C1QTNF2: variants seen among roughly 807,000 people sequenced by gnomAD.
The protein encoded by C1QTNF2 is complement C1q tumor necrosis factor-related protein 2.
A neutral mutation model predicts 17.4 loss-of-function variants in C1QTNF2; 15 were observed. That is an observed-to-expected ratio of 0.86 (90% confidence interval 0.58 to 1.33). C1QTNF2 has a LOEUF of 1.33. Ranked by LOEUF, C1QTNF2 falls within the 40% of genes most tolerant of loss-of-function variation. The pLI, the probability that C1QTNF2 is intolerant of heterozygous loss-of-function variation, is 0.00. For missense variants in C1QTNF2, 381 were observed against 392.3 expected (o/e 0.97, Z 0.24); for synonymous variants, 154 against 163.3 (o/e 0.94, Z 0.44).
intron 1 of C1QTNF2, among the ~76,000 whole-genome samples, chr5:160,365,696 C>G (rs1057418808): frequency 3.3e-5 from 5 of 152,338 alleles, no homozygotes; most frequent in South Asian, 2.1e-4. Flanking sequence ...TTTAATCTCT[C>G]TAGGCCTCAG....
chr5:160,352,438 G>A (rs1289049024), intron 2 of C1QTNF2, among the ~76,000 whole-genome samples: 1 of 152,168 alleles, frequency 6.6e-6, no homozygotes, highest in African/African-American at 2.4e-5. Flanking sequence ...GACAAGCTTT[G>A]TTTGAGTTAC....
At chr5:160,354,071 TG>T (rs1359023725) in intron 2 of C1QTNF2, among the ~76,000 whole-genome samples, 1 of 152,090 alleles carries the variant, frequency 6.6e-6, no homozygotes, top group Non-Finnish European at 1.5e-5. Context: ...TCCCAAGTGC[TG>T]AGATTACAGG....
At chr5:160,351,510 G>A (rs959986603) in intron 2 of C1QTNF2, among the ~76,000 whole-genome samples, 37 of 152,196 alleles carry the variant, frequency 2.4e-4, no homozygotes, top group Admixed American at 1.4e-3. Flanking sequence ...TACATAATTC[G>A]GAAATAGGTT....
intron 2 of C1QTNF2, among the ~76,000 whole-genome samples, chr5:160,350,469 T>C (rs1255231024): frequency 1.3e-5 from 2 of 152,146 alleles, no homozygotes; most frequent in Non-Finnish European, 2.9e-5. Flanking sequence ...TTTGGGAAGC[T>C]GGGACTGGAG....
intron 1 of C1QTNF2, among the ~76,000 whole-genome samples, chr5:160,364,413 G>A (rs1764211217): frequency 1.3e-5 from 2 of 152,326 alleles, no homozygotes; most frequent in Admixed American, 1.3e-4. Flanking sequence ...AGGATTTAAT[G>A]TTTCTAGAAT....
intron 2 of C1QTNF2, among the ~76,000 whole-genome samples, chr5:160,353,479 C>T (rs887358456): frequency 1.4e-4 from 21 of 152,124 alleles, no homozygotes; most frequent in African/African-American, 5.1e-4. Flanking sequence ...CAATGACTGA[C>T]TGCCCCCACC....
Position 160,354,710 on chromosome 5 carries a change from C to A in C1QTNF2, c.244+58G>T, listed in dbSNP as rs574331704. 41 of 1,604,366 alleles carry A rather than the reference C, an allele frequency of 2.6e-5. 1 individual carries two copies. In the East Asian group the frequency reaches 7.4e-4, roughly 29 times the overall value. ...GTTTTATTAACTTCATGATGCCCCC[C>A]ACATGCCGGATGCTGTCAGCCAGGT... On this transcript the variant is annotated intron_variant, in intron 2 of 2. Transcript: ENST00000652664.
chr5:160,356,522 G>GT (rs1764054887), intron 1 of C1QTNF2, among the ~76,000 whole-genome samples: 1 of 152,204 alleles, frequency 6.6e-6, no homozygotes, highest in African/African-American at 2.4e-5. Flanking sequence ...CAGAGACCTT[G>GT]TTTTGGGAAC....
At position 160,348,929 on chromosome 5, in the gene C1QTNF2, C is replaced by T. The variant is rs1165636544; in HGVS notation, c.*239G>A. 1.2e-5 allele frequency: 6 copies of T among 487,770 alleles called. No homozygotes were observed. Among genetic ancestry groups the T allele is most frequent in the South Asian group, 3.9e-5 (1 of 25,466 alleles). The allele number at this position is 487,770 out of a possible 1,614,324, so 30.2% of individuals were successfully genotyped here. ...CTGTCTTGTCCACTGCTGCATCTTT[C>T]AGAGAATAGCATAGTGCCTGTTACA... On this transcript the variant is annotated 3_prime_UTR_variant, in exon 3 of 3. Transcript: ENST00000652664.
chr5:160,352,500 T>C (rs2113505798), intron 2 of C1QTNF2, among the ~76,000 whole-genome samples: 1 of 152,306 alleles, frequency 6.6e-6, no homozygotes, highest in South Asian at 2.1e-4. Flanking sequence ...GGCTTCCTTC[T>C]CTGCAGAGAC....
Position 160,354,814 on chromosome 5 carries a change from G to C in C1QTNF2, c.198C>G (p.Asp66Glu), listed in dbSNP as rs142851168. The C allele has an allele frequency of 3.7e-6, 6 of 1,613,590 alleles. No individual in the cohort carries two copies. In the South Asian group the frequency reaches 6.6e-5, roughly 18 times the overall value. ...GGTCGCCGTCGTGTCCATCTTGGCC[G>C]TCTTTGCCAGGAAAGCCCATTCGTC... ...MMGRMGFPGK[D>E]GQDGHDGDRG... is the part of the protein sequence containing the mutation. Residue 66 changes from aspartate (D) to glutamate (E), a missense_variant, in exon 2 of 3, where the codon GAC becomes GAG. By Grantham distance (45) the Asp-to-Glu change is conservative. Transcript: ENST00000652664.
chr5:160,368,531 C>CA (rs1491589028), intron 1 of C1QTNF2, among the ~76,000 whole-genome samples: 4,898 of 57,420 alleles, frequency 0.085, 316 homozygotes, highest in African/African-American at 0.24. Flanking sequence ...GACTCCTTCT[C>CA]AAAAAAAAAG....
At chr5:160,352,708 G>T (rs1164424975) in intron 2 of C1QTNF2, among the ~76,000 whole-genome samples, 2 of 152,206 alleles carry the variant, frequency 1.3e-5, no homozygotes, top group African/African-American at 2.4e-5. Flanking sequence ...CAGGAAATTG[G>T]ATATCATGAT....
chr5:160,351,503 A>G (rs1225598550), intron 2 of C1QTNF2, among the ~76,000 whole-genome samples: 3 of 152,254 alleles, frequency 2.0e-5, no homozygotes, highest in African/African-American at 7.2e-5. Flanking sequence ...CCTATTTTAC[A>G]TAATTCGGAA....
intron 1 of C1QTNF2, among the ~76,000 whole-genome samples, chr5:160,357,454 A>G (rs143374217): frequency 1.3e-5 from 2 of 152,214 alleles, no homozygotes; most frequent in African/African-American, 2.4e-5. Context: ...GAAATGTTAC[A>G]TGAATGACAG....
intron 1 of C1QTNF2, among the ~76,000 whole-genome samples, chr5:160,367,640 G>A (rs1561829316): frequency 6.6e-6 from 1 of 152,134 alleles, no homozygotes; most frequent in East Asian, 1.9e-4. Context: ...CCTTGATGAT[G>A]GGCTTCCAGC....
chr5:160,352,522 C>A (rs1225921860), intron 2 of C1QTNF2, among the ~76,000 whole-genome samples: 1 of 152,168 alleles, frequency 6.6e-6, no homozygotes, highest in Non-Finnish European at 1.5e-5. Flanking sequence ...CAACACACAG[C>A]AGAACAGATG....
intron 1 of C1QTNF2, among the ~76,000 whole-genome samples, chr5:160,363,593 G>A (rs1764193567): frequency 6.6e-6 from 1 of 152,204 alleles, no homozygotes; most frequent in African/African-American, 2.4e-5. Flanking sequence ...TGTTAAAGCT[G>A]AAGAATTATA....
chr5:160,362,480 C>T (rs906746230), intron 1 of C1QTNF2, among the ~76,000 whole-genome samples: 2 of 152,228 alleles, frequency 1.3e-5, no homozygotes, highest in Non-Finnish European at 2.9e-5. Context: ...ATGCCCACAG[C>T]CCCCTCTCCT....
Sources: allele counts gnomAD v4.1 joint callset (sites outside exome capture counted in the v4.1 genomes callset), GRCh38; gene constraint gnomAD v4.1.1; transcripts MANE v1.5; gene names NCBI Gene and HGNC (gene_info 2026-07-23, HGNC 2026-07-21).